Variants in RAP1A observed in about 807,000 individuals in gnomAD.
RAP1A encodes the protein ras-related protein Rap-1A.
A neutral mutation model predicts 26.4 loss-of-function variants in RAP1A; 6 were observed. The ratio of observed to expected loss-of-function variants is 0.23; its 90% CI spans 0.12 to 0.45. RAP1A has a LOEUF of 0.45. RAP1A is among the 20% of genes least tolerant of loss of function. RAP1A has a pLI of 0.99. For missense variants in RAP1A, 121 were observed against 217.2 expected (o/e 0.56, Z 2.78); for synonymous variants, 73 against 79.4 (o/e 0.92, Z 0.43).
At chr1:111,636,689 G>A (rs1258561134) in intron 1 of RAP1A, among the ~76,000 whole-genome samples, 1 of 151,388 alleles carries the variant, frequency 6.6e-6, no homozygotes, top group Admixed American at 6.6e-5. Context: ...CTCCATGTTG[G>A]TCAGGCTGAG....
intron 1 of RAP1A, among the ~76,000 whole-genome samples, chr1:111,660,762 A>G (rs1268525594): frequency 6.6e-6 from 1 of 152,192 alleles, no homozygotes. Flanking sequence ...AAAAGCCTGT[A>G]TTTAGCTCTC....
intron 1 of RAP1A, among the ~76,000 whole-genome samples, chr1:111,681,577 G>C (rs1661296043): frequency 6.6e-6 from 1 of 152,156 alleles, no homozygotes. Context: ...TAGCTGAATT[G>C]ATCAAGTGGA....
intron 1 of RAP1A, among the ~76,000 whole-genome samples, chr1:111,632,819 G>C (rs566069601): frequency 1.3e-5 from 2 of 151,898 alleles, no homozygotes; most frequent in South Asian, 4.2e-4. Context: ...TACTCAGGAG[G>C]CTGAGGCAGG....
intron 1 of RAP1A, among the ~76,000 whole-genome samples, chr1:111,592,000 C>A (rs1340060182): frequency 1.3e-5 from 2 of 152,126 alleles, no homozygotes; most frequent in African/African-American, 2.4e-5. Flanking sequence ...TATCCCACGC[C>A]CCAGCTCTGG....
intron 1 of RAP1A, among the ~76,000 whole-genome samples, chr1:111,682,626 A>G (rs1356432890): frequency 6.6e-6 from 1 of 152,226 alleles, no homozygotes; most frequent in African/African-American, 2.4e-5. Context: ...AATGAGAGCT[A>G]ACTATCCTAA....
intron 6 of RAP1A, among the ~76,000 whole-genome samples, chr1:111,705,659 C>T (rs532360011): frequency 6.6e-6 from 1 of 152,274 alleles, no homozygotes; most frequent in Admixed American, 6.5e-5. Flanking sequence ...GTCAGGCCCT[C>T]AGGTAACAGT....
intron 1 of RAP1A, among the ~76,000 whole-genome samples, chr1:111,674,779 A>G (rs1456003901): frequency 6.6e-6 from 1 of 152,054 alleles, no homozygotes; most frequent in East Asian, 1.9e-4. Flanking sequence ...TGTCAGTTTT[A>G]TCCTCAGAAA....
At chr1:111,551,252 A>G (rs1183646381) in intron 1 of RAP1A, among the ~76,000 whole-genome samples, 4 of 152,182 alleles carry the variant, frequency 2.6e-5, no homozygotes, top group Non-Finnish European at 5.9e-5. Flanking sequence ...TACTGAAAAG[A>G]AAGGGCTTAC....
At position 111,650,118 on chromosome 1, in the gene RAP1A, T is replaced by A. The variant is rs2789545; in HGVS notation, c.-28+30184T>A. ...CTTTTTTTTTTTTTTTTTTTTTTTT[T>A]ACATTTACTAAGTTTGTCTCATTTG... On this transcript the variant is annotated intron_variant, in intron 1 of 7. Transcript: ENST00000369709. Among the ~76,000 whole-genome samples the A allele has an allele frequency of 8.0e-3, 738 of 92,218 alleles. 8 individuals carry two copies. The highest frequency in any genetic ancestry group is 0.028 in the African/African-American group (691 of 24,574). 60.5% of individuals were successfully genotyped at this position (92,218 alleles called of 152,430 possible).
intron 1 of RAP1A, among the ~76,000 whole-genome samples, chr1:111,637,679 A>G (rs1229490161): frequency 2.0e-5 from 3 of 152,146 alleles, no homozygotes; most frequent in African/African-American, 7.2e-5. Context: ...ATAATACTTC[A>G]TGCTCCTGTT....
chr1:111,573,632 GC>G (rs1658091649), intron 1 of RAP1A, among the ~76,000 whole-genome samples: 1 of 152,064 alleles, frequency 6.6e-6, no homozygotes, highest in African/African-American at 2.4e-5. Context: ...ACTGCGCCCG[GC>G]CTTGACTTTT....
chr1:111,655,346 C>A (rs1465172815), intron 1 of RAP1A, among the ~76,000 whole-genome samples: 2 of 148,986 alleles, frequency 1.3e-5, no homozygotes, highest in Admixed American at 6.7e-5. Flanking sequence ...ACGGGATAAT[C>A]AAAAAAAGTG....
In RAP1A at chr1:111,619,861, G is replaced by T. The variant is rs1659123285; in HGVS notation, c.-101G>T. On this transcript the variant is annotated 5_prime_UTR_variant, in exon 1 of 8. Transcript: ENST00000369709. ...CGCGCAGAGCCGGAGCAGGAGCCAC[G>T]GCCGAGAGGAGGGAGGAGGAGGAGG... 2.5e-6 allele frequency: 1 copy of T among 399,004 alleles called. No homozygotes were observed. The allele number at this position is 399,004 out of a possible 1,614,324, so 24.7% of individuals were successfully genotyped here.
At chr1:111,543,184 T>G (rs1469110971) in intron 1 of RAP1A, among the ~76,000 whole-genome samples, 1 of 152,176 alleles carries the variant, frequency 6.6e-6, no homozygotes, top group Non-Finnish European at 1.5e-5. Context: ...CTATGAAGTA[T>G]AGTTTTTAGA....
intron 1 of RAP1A, among the ~76,000 whole-genome samples, chr1:111,607,501 T>C (rs1433856232): frequency 6.6e-6 from 1 of 152,198 alleles, no homozygotes; most frequent in African/African-American, 2.4e-5. Flanking sequence ...ATTGTCATCA[T>C]GGCCCGTTCT....
At chr1:111,556,443 T>G (rs1037322054) in intron 1 of RAP1A, among the ~76,000 whole-genome samples, 19 of 152,314 alleles carry the variant, frequency 1.2e-4, no homozygotes, top group African/African-American at 3.1e-4. Flanking sequence ...AACAGATATT[T>G]GTACACCCAT....
In RAP1A at chr1:111,559,337, T is replaced by C. The variant is rs184680202; in HGVS notation, c.-28+16828T>C. 4.7e-4 allele frequency among the ~76,000 whole-genome samples: 72 copies of C among 152,290 alleles called. 1 individual carries two copies. The highest frequency in any genetic ancestry group is 1.6e-3 in the African/African-American group (65 of 41,552). On this transcript the variant is annotated intron_variant, in intron 1 of 7. Coordinates refer to the RAP1A transcript ENST00000356415. ...GAAGGAATTTATTCATGCATTAAACTAATGTTTATTGAACACCCACTATTA... is the reference window on the plus strand; with the variant it reads ...GAAGGAATTTATTCATGCATTAAACCAATGTTTATTGAACACCCACTATTA...
rs116010630 is a variant in RAP1A, at chr1:111,620,675, A to C, written c.-28+741A>C. On this transcript the variant is annotated intron_variant, in intron 1 of 7. Coordinates refer to ENST00000369709, the MANE Select transcript of RAP1A (RefSeq NM_002884.4). ...ACCCTCATGTCTTCCGTAGCTTACC[A>C]TGTGTTCGCCTTTTCAGTGTTACTT... Among the ~76,000 whole-genome samples the C allele has an allele frequency of 3.2e-3, 492 of 151,936 alleles. 3 individuals are homozygous for C. Among genetic ancestry groups the C allele is most frequent in the African/African-American group, 0.011 (438 of 41,408 alleles).
intron 1 of RAP1A, among the ~76,000 whole-genome samples, chr1:111,549,230 T>A (rs574744331): frequency 2.6e-5 from 4 of 152,152 alleles, no homozygotes; most frequent in Non-Finnish European, 4.4e-5. Context: ...TTTATTTTTT[T>A]AAAAAATCTT....
Sources: allele counts gnomAD v4.1 joint callset (sites outside exome capture counted in the v4.1 genomes callset), GRCh38; gene constraint gnomAD v4.1.1; transcripts MANE v1.5; gene names NCBI Gene and HGNC (gene_info 2026-07-23, HGNC 2026-07-21).